The following CSMD1 variants were observed in gnomAD, a reference collection of about 807,000 sequenced individuals.
CSMD1 encodes the protein CUB and Sushi multiple domains 1.
CSMD1 carries 213 observed loss-of-function variants against 417.5 expected under a neutral mutation model. That is an observed-to-expected ratio of 0.51 (90% confidence interval 0.46 to 0.57). The LOEUF is 0.57. CSMD1 is among the 20% of genes least tolerant of loss of function. CSMD1 has a pLI of 0.00. For synonymous variants in CSMD1, 2,862 were observed against 1,736.8 expected (o/e 1.65, Z -16.11); for missense variants, 6,923 against 4,529.7 (o/e 1.53, Z -15.17).
intron 5 of CSMD1, among the ~76,000 whole-genome samples, chr8:3,927,242 A>T (rs1809800424): frequency 6.6e-6 from 1 of 152,032 alleles, no homozygotes. Flanking sequence ...TATTATTCCA[A>T]CAATTACAAA....
chr8:4,086,605 A>G (rs2130832295), intron 3 of CSMD1, among the ~76,000 whole-genome samples: 1 of 152,200 alleles, frequency 6.6e-6, no homozygotes, highest in East Asian at 1.9e-4. Context: ...ACCTTGAATA[A>G]AGTACAATGC....
At chr8:3,636,238 T>C (rs1446923448) in intron 7 of CSMD1, among the ~76,000 whole-genome samples, 1 of 152,204 alleles carries the variant, frequency 6.6e-6, no homozygotes, top group Non-Finnish European at 1.5e-5. Flanking sequence ...CGTGGAACTG[T>C]CATTTTCTAG....
intron 26 of CSMD1, among the ~76,000 whole-genome samples, chr8:3,255,630 A>G (rs1449877762): frequency 2.0e-5 from 3 of 152,196 alleles, no homozygotes; most frequent in Non-Finnish European, 2.9e-5. Flanking sequence ...CTGTTCTAGC[A>G]ATGAGCAAGG....
rs77740241 is a variant in CSMD1 at position 3,068,714 on chromosome 8, A to T, written c.7475-16067T>A. 6.2e-3 allele frequency among the ~76,000 whole-genome samples: 938 copies of T among 152,224 alleles called. 14 individuals are homozygous for T. Among genetic ancestry groups the T allele is most frequent in the African/African-American group, 0.021 (882 of 41,534 alleles). ...AGGAGCAAGACAGAGTTGAGGGGGA[A>T]GTGCCACACACTTTTAACTGAACAG... On this transcript the variant is annotated intron_variant, in intron 49 of 69. Coordinates refer to ENST00000635120, the MANE Select transcript of CSMD1 (RefSeq NM_033225.6).
chr8:4,409,642 CT>C (rs61368925), intron 3 of CSMD1, among the ~76,000 whole-genome samples: 28,004 of 140,964 alleles, frequency 0.2, 2,978 homozygotes, highest in Non-Finnish European at 0.24. Flanking sequence ...GACTTTTTTT[CT>C]TTTTTTTTTT....
chr8:3,997,708 C>T (rs558566616), intron 5 of CSMD1, among the ~76,000 whole-genome samples, 195 bp downstream of exon 5: 2 of 152,232 alleles, frequency 1.3e-5, no homozygotes, highest in African/African-American at 4.8e-5. Flanking sequence ...CAAACACCAG[C>T]ACAAAGACAT....
chr8:3,922,722 T>G (rs1031647912), intron 5 of CSMD1, among the ~76,000 whole-genome samples: 2 of 152,218 alleles, frequency 1.3e-5, no homozygotes, highest in Non-Finnish European at 2.9e-5. Context: ...TACATCTTTT[T>G]TATATTTTGT....
chr8:4,114,096 A>G (rs1802005629), intron 3 of CSMD1, among the ~76,000 whole-genome samples: 1 of 152,226 alleles, frequency 6.6e-6, no homozygotes, highest in African/African-American at 2.4e-5. Flanking sequence ...TTATGTAGGA[A>G]GAAGATGCCA....
At chr8:3,646,872 C>A (rs150169256) in intron 7 of CSMD1, among the ~76,000 whole-genome samples, 1 of 152,120 alleles carries the variant, frequency 6.6e-6, no homozygotes, top group Admixed American at 6.5e-5. Context: ...TTGGGTCACA[C>A]GAGCCTGTTC....
intron 26 of CSMD1, 45 bp from the exon 27 acceptor site, chr8:3,230,276 T>C (rs368248094): frequency 8.2e-6 from 12 of 1,468,644 alleles, no homozygotes; most frequent in Non-Finnish European, 1.1e-5. Context: ...GAAAACATGG[T>C]TTCCACATTC....
At chr8:3,431,316 T>C (rs908229967) in intron 12 of CSMD1, among the ~76,000 whole-genome samples, 1 of 152,128 alleles carries the variant, frequency 6.6e-6, no homozygotes, top group African/African-American at 2.4e-5. Context: ...CTGCATACTC[T>C]CCTCTGCTCT....
intron 2 of CSMD1, among the ~76,000 whole-genome samples, chr8:4,563,195 A>T (rs1380860358): frequency 6.6e-6 from 1 of 152,068 alleles, no homozygotes; most frequent in Non-Finnish European, 1.5e-5. Flanking sequence ...AGGTCAGGAG[A>T]TTGAGACCAT....
chr8:4,723,011 C>T (rs1421885941), intron 1 of CSMD1, among the ~76,000 whole-genome samples: 2 of 152,146 alleles, frequency 1.3e-5, no homozygotes, highest in Non-Finnish European at 2.9e-5. Context: ...ACAAGAGTCT[C>T]ACTGAGACAC....
rs146864029 is a variant in CSMD1 at position 4,141,160 on chromosome 8, G to A, written c.416-109061C>T. On this transcript the variant is annotated intron_variant, in intron 3 of 69. Coordinates refer to ENST00000635120, the MANE Select transcript of CSMD1 (RefSeq NM_033225.6). ...AGAGCTCCAATAAGTAACAGAACGT[G>A]TCTCTCACAGTTTCAAAAAATTATT... 2.0e-5 allele frequency among the ~76,000 whole-genome samples: 3 copies of A among 151,226 alleles called. 1 individual carries two copies. Among genetic ancestry groups the A allele is most frequent in the African/African-American group, 4.9e-5 (2 of 40,564 alleles).
intron 4 of CSMD1, among the ~76,000 whole-genome samples, chr8:4,029,913 A>T (rs548184264): frequency 1.3e-4 from 20 of 152,156 alleles, no homozygotes; most frequent in Non-Finnish European, 2.9e-4. Context: ...CAAAGGGTCT[A>T]CTGGCCCTAT....
At chr8:4,751,392 G>C (rs966860507) in intron 1 of CSMD1, among the ~76,000 whole-genome samples, 11 of 100,922 alleles carry the variant, frequency 1.1e-4, no homozygotes, top group Non-Finnish European at 1.7e-4. Context: ...CTCTGTCTCA[G>C]GGGGGGTGGC....
intron 3 of CSMD1, among the ~76,000 whole-genome samples, chr8:4,304,812 T>C (rs903948153): frequency 2.7e-4 from 41 of 152,308 alleles, no homozygotes; most frequent in African/African-American, 8.9e-4. Context: ...TTGGTGCAGG[T>C]CATTCAGAAA....
chr8:4,294,892 T>G (rs1309872722), intron 3 of CSMD1, among the ~76,000 whole-genome samples: 1 of 151,802 alleles, frequency 6.6e-6, no homozygotes, highest in South Asian at 2.1e-4. Flanking sequence ...GCTGTCAATG[T>G]GTATGGAACG....
chr8:4,952,080 C>T (rs1243148205), intron 1 of CSMD1, among the ~76,000 whole-genome samples: 1 of 151,516 alleles, frequency 6.6e-6, no homozygotes, highest in African/African-American at 2.4e-5. Context: ...AAATATGCTG[C>T]TATATTAATG....
Sources: gnomAD v4.1 joint callset for allele counts (sites outside exome capture counted in the v4.1 genomes callset) on GRCh38, gnomAD v4.1.1 for gene constraint, MANE v1.5 for transcripts, NCBI Gene and HGNC (gene_info 2026-07-23, HGNC 2026-07-21) for gene names.